Variants in FBXL17 observed in about 807,000 individuals in gnomAD.
FBXL17 encodes F-box and leucine rich repeat protein 17.
FBXL17 carries 22 observed loss-of-function variants against 66.2 expected under a neutral mutation model. The observed-to-expected ratio is 0.33, with a 90% CI of 0.24 to 0.47. FBXL17 has a LOEUF of 0.47. FBXL17 is among the 20% of genes least tolerant of loss of function. The pLI, the probability that FBXL17 is intolerant of heterozygous loss-of-function variation, is 1.00. For synonymous variants in FBXL17, 474 were observed against 400.5 expected (o/e 1.18, Z -2.19); for missense variants, 878 against 948.2 (o/e 0.93, Z 0.97).
chr5:108,261,606 G>C (rs569171095), intron 4 of FBXL17, among the ~76,000 whole-genome samples: 4 of 151,906 alleles, frequency 2.6e-5, no homozygotes, highest in African/African-American at 9.7e-5. Flanking sequence ...GGCCACAGAA[G>C]GTTTGCCCAT....
chr5:108,263,438 T>C (rs1369842522), intron 4 of FBXL17, among the ~76,000 whole-genome samples: 1 of 152,184 alleles, frequency 6.6e-6, no homozygotes, highest in Non-Finnish European at 1.5e-5. Flanking sequence ...AAAGAGTTCT[T>C]ATCCTGGAGT....
rs1216929265 is a variant in FBXL17 at position 108,381,557 on chromosome 5, C to G, written c.135G>C (p.Pro45=). The change falls in exon 1 of 9, where the codon CCG becomes CCC. Residue 45 remains proline (P), a synonymous_variant. Transcript: ENST00000542267. ...AGCAGTCCCGGCTCCGGGGCGCCGC[C>G]GGCTGAGGGGGCACCTTGGCTGGGG... ...RRTPAKVPPQ[P]AAPRSRDCFF... 1.4e-6 allele frequency: 2 copies of G among 1,432,392 alleles called. No homozygotes were observed. The highest frequency in any genetic ancestry group is 3.0e-5 in the East Asian group (1 of 33,794). The allele number at this position is 1,432,392 out of a possible 1,614,324, so 88.7% of individuals were successfully genotyped here. A position where few individuals can be genotyped will look rare whatever the true frequency, so the allele number is the denominator to read the frequency against.
At chr5:108,378,333 GTTTTT>G (rs982551784) in intron 1 of FBXL17, among the ~76,000 whole-genome samples, 1 of 133,540 alleles carries the variant, frequency 7.5e-6, no homozygotes, top group Non-Finnish European at 1.7e-5. Flanking sequence ...TTTGTTTTTT[GTTTTT>G]TTGTTTTGTT....
At chr5:108,190,794 T>G in intron 5 of FBXL17, among the ~76,000 whole-genome samples, 1 of 152,212 alleles carries the variant, frequency 6.6e-6, no homozygotes, top group East Asian at 1.9e-4. Context: ...AATCACCATT[T>G]TTTTAAACCA....
At position 107,859,390 on chromosome 5, in the gene FBXL17, G is replaced by GTTTTTTTTTT. The variant is rs549840338; in HGVS notation, c.*2320_*2329dup. On this transcript the variant is annotated 3_prime_UTR_variant, in exon 9 of 9. Coordinates refer to ENST00000542267, the MANE Select transcript of FBXL17 (RefSeq NM_001163315.3). ...CTCAAGGTGATGCTTTTTTCTGGCT[G>GTTTTTTTTTT]TTTTTTTTTTTTTTTTTTTTTTTTT... is the stretch of plus-strand genomic sequence containing the variant. 5.6e-4 allele frequency: 34 copies of GTTTTTTTTTT among 60,178 alleles called. 1 individual carries two copies. Among genetic ancestry groups the GTTTTTTTTTT allele is most frequent in the African/African-American group, 1.9e-3 (27 of 14,482 alleles). 3.7% of individuals were successfully genotyped at this position (60,178 alleles called of 1,614,324 possible). A position where few individuals can be genotyped will look rare whatever the true frequency, so the allele number is the denominator to read the frequency against.
chr5:108,129,606 A>C (rs1219223669), intron 6 of FBXL17, among the ~76,000 whole-genome samples: 1 of 152,040 alleles, frequency 6.6e-6, no homozygotes, highest in Non-Finnish European at 1.5e-5. Flanking sequence ...GAATAACATT[A>C]CTTATTTAAA....
chr5:108,060,675 C>G (rs1300441891), intron 6 of FBXL17, among the ~76,000 whole-genome samples: 2 of 152,140 alleles, frequency 1.3e-5, no homozygotes, highest in Non-Finnish European at 2.9e-5. Context: ...ATAGAACTCT[C>G]TCTCAGACCC....
intron 6 of FBXL17, among the ~76,000 whole-genome samples, chr5:108,101,058 T>A (rs1416095517): frequency 6.6e-6 from 1 of 152,184 alleles, no homozygotes; most frequent in Non-Finnish European, 1.5e-5. Context: ...CTTAAAGAGT[T>A]TGCTCTTCAA....
intron 6 of FBXL17, among the ~76,000 whole-genome samples, chr5:108,072,430 A>G (rs1681649374): frequency 6.6e-6 from 1 of 152,208 alleles, no homozygotes; most frequent in African/African-American, 2.4e-5. Flanking sequence ...GTACAGAAAG[A>G]AGCAGGCTCA....
intron 7 of FBXL17, among the ~76,000 whole-genome samples, chr5:107,969,705 A>G (rs1752295349): frequency 2.0e-5 from 3 of 152,138 alleles, no homozygotes; most frequent in Non-Finnish European, 1.5e-5. Flanking sequence ...AGACAAGGGA[A>G]TTGGCATTTT....
intron 6 of FBXL17, among the ~76,000 whole-genome samples, chr5:108,040,350 G>A (rs4144478): frequency 0.12 from 18,101 of 151,918 alleles, 1,356 homozygotes; most frequent in East Asian, 0.17. Flanking sequence ...TCTAGAGTGT[G>A]GTCTAGCATT....
chr5:107,960,198 A>G (rs756228103), intron 7 of FBXL17, among the ~76,000 whole-genome samples: 42 of 152,154 alleles, frequency 2.8e-4, no homozygotes, highest in Non-Finnish European at 5.3e-4. Flanking sequence ...TGTCCTCAGT[A>G]AGTCCCTCAA....
At chr5:108,186,955 AGATTTTTTTATTTTTTT>A (rs1443140114) in intron 5 of FBXL17, among the ~76,000 whole-genome samples, 1 of 152,024 alleles carries the variant, frequency 6.6e-6, no homozygotes. Context: ...ATTTCTGTAT[AGATTTTTTTATTTTTTT>A]AAAGATGAAA....
At chr5:107,934,998 G>C (rs1218355578) in intron 7 of FBXL17, among the ~76,000 whole-genome samples, 1 of 151,858 alleles carries the variant, frequency 6.6e-6, no homozygotes, top group African/African-American at 2.4e-5. Context: ...GAAATGAGTT[G>C]TTCTAAGGTT....
intron 6 of FBXL17, among the ~76,000 whole-genome samples, chr5:108,082,617 C>G (rs1359344397): frequency 7.4e-6 from 1 of 134,448 alleles, no homozygotes; most frequent in Non-Finnish European, 1.7e-5. Flanking sequence ...GGAAATAATC[C>G]TTTATAACTG....
chr5:108,019,228 A>G (rs1326998825), intron 7 of FBXL17, among the ~76,000 whole-genome samples: 1 of 152,166 alleles, frequency 6.6e-6, no homozygotes, highest in Non-Finnish European at 1.5e-5. Flanking sequence ...GGAGTGTCCT[A>G]TATGTGAAGG....
chr5:107,927,537 C>T (rs1750565150), intron 7 of FBXL17, among the ~76,000 whole-genome samples: 1 of 152,062 alleles, frequency 6.6e-6, no homozygotes, highest in Admixed American at 6.6e-5. Flanking sequence ...AAAACCAAAA[C>T]ATATAGAAAA....
At chr5:108,145,259 T>C (rs1432541973) in intron 6 of FBXL17, among the ~76,000 whole-genome samples, 9 of 152,120 alleles carry the variant, frequency 5.9e-5, no homozygotes, top group African/African-American at 7.2e-5. Flanking sequence ...GAAGTACTTG[T>C]AGGAAAAATA....
At chr5:107,906,992 G>A (rs1237073863) in intron 7 of FBXL17, among the ~76,000 whole-genome samples, 1 of 152,164 alleles carries the variant, frequency 6.6e-6, no homozygotes, top group Non-Finnish European at 1.5e-5. Context: ...ACATTTTCTA[G>A]TCAGAGTTAG....
Sources: allele counts gnomAD v4.1 joint callset (sites outside exome capture counted in the v4.1 genomes callset), GRCh38; gene constraint gnomAD v4.1.1; transcripts MANE v1.5; gene names NCBI Gene and HGNC (gene_info 2026-07-23, HGNC 2026-07-21).